Variants in TENM2 observed in about 807,000 individuals in gnomAD.
TENM2 encodes the protein teneurin-2.
A neutral mutation model predicts 245.2 loss-of-function variants in TENM2; 52 were observed. The observed-to-expected ratio is 0.21, with a 90% confidence interval of 0.17 to 0.27. The LOEUF is 0.27. TENM2 is among the 10% of genes least tolerant of loss of function. TENM2 has a pLI of 1.00. For synonymous variants in TENM2, 1,363 were observed against 1,438.9 expected, an observed-to-expected ratio of 0.95 and a Z score of 1.19; for missense variants, 3,046 against 3,666.8, an observed-to-expected ratio of 0.83 and a Z score of 4.37.
intron 12 of TENM2, among the ~76,000 whole-genome samples, chr5:168,127,254 G>A (rs749570017): frequency 7.9e-5 from 12 of 152,190 alleles, no homozygotes; most frequent in South Asian, 2.1e-4. Flanking sequence ...GTCGGTGTCT[G>A]GGGGTTGCAA....
At chr5:167,171,802 T>G in the TENM2 span, among the ~76,000 whole-genome samples, 1 of 152,162 alleles carries the variant, frequency 6.6e-6, no homozygotes, top group African/African-American at 2.4e-5. Flanking sequence ...TATCTTCCAT[T>G]GGCTGAATCA....
At chr5:167,578,100 G>C (rs1774836253) in intron 2 of TENM2, among the ~76,000 whole-genome samples, 1 of 152,342 alleles carries the variant, frequency 6.6e-6, no homozygotes, top group Non-Finnish European at 1.5e-5. Flanking sequence ...ATAGCCACTG[G>C]AGAGGGGTGA....
At chr5:167,834,618 C>T (rs1386937884) in intron 2 of TENM2, among the ~76,000 whole-genome samples, 3 of 150,694 alleles carry the variant, frequency 2.0e-5, no homozygotes, top group Admixed American at 6.6e-5. Context: ...TGGGCCATCT[C>T]ACAGTTGTGT....
At chr5:167,601,164 A>T (rs943422392) in intron 2 of TENM2, among the ~76,000 whole-genome samples, 5 of 152,236 alleles carry the variant, frequency 3.3e-5, no homozygotes, top group African/African-American at 1.2e-4. Context: ...TTTGCATGCT[A>T]CTGGTACTTG....
intron 1 of TENM2, among the ~76,000 whole-genome samples, chr5:167,366,325 ATCAAC>A (rs1313379148): frequency 6.6e-6 from 1 of 152,154 alleles, no homozygotes; most frequent in African/African-American, 2.4e-5. Context: ...AATTTTCTAA[ATCAAC>A]TCATGACAAA....
At chr5:167,849,757 T>G (rs1770397616) in intron 2 of TENM2, among the ~76,000 whole-genome samples, 1 of 152,188 alleles carries the variant, frequency 6.6e-6, no homozygotes, top group Non-Finnish European at 1.5e-5. Context: ...ACCTACATTT[T>G]TACCTACATT....
At chr5:168,249,963 A>G (rs1306731894) in intron 27 of TENM2, among the ~76,000 whole-genome samples, 1 of 152,208 alleles carries the variant, frequency 6.6e-6, no homozygotes, top group African/African-American at 2.4e-5. Context: ...TAGTATTTAA[A>G]TTGTACTAAA....
rs191458138 is a variant in TENM2, at chr5:167,995,917, G to A, written c.1186+2735G>A. ...GCAGAAAGACAACATGAAAACCGAG[G>A]CCCTCCTGTTAAGGAGACCGGCGCT... On this transcript the variant is annotated intron_variant, in intron 5 of 28. Transcript: ENST00000518659. Among the ~76,000 whole-genome samples the A allele has an allele frequency of 9.2e-5, 14 of 152,152 alleles. No individual in the cohort carries two copies. The East Asian group carries it at 2.5e-3, about 27-fold the overall frequency.
At chr5:168,119,585 T>A (rs892539321) in intron 10 of TENM2, among the ~76,000 whole-genome samples, 1 of 152,180 alleles carries the variant, frequency 6.6e-6, no homozygotes, top group Non-Finnish European at 1.5e-5. Flanking sequence ...ATATAAAGAA[T>A]TGGCCACAGC....
intron 2 of TENM2, among the ~76,000 whole-genome samples, chr5:167,419,572 C>CT (rs1219174449): frequency 6.6e-6 from 1 of 152,186 alleles, no homozygotes; most frequent in African/African-American, 2.4e-5. Context: ...AAAAGCCCTT[C>CT]TTGGTCAGAA....
the TENM2 span, among the ~76,000 whole-genome samples, chr5:167,187,179 G>A: frequency 6.6e-6 from 1 of 152,154 alleles, no homozygotes; most frequent in African/African-American, 2.4e-5. Flanking sequence ...ACATCAAAAT[G>A]TGATTTCAGC....
At chr5:168,096,337 T>A (rs575648435) in intron 8 of TENM2, among the ~76,000 whole-genome samples, 11 of 152,134 alleles carry the variant, frequency 7.2e-5, no homozygotes, top group Non-Finnish European at 1.2e-4. Context: ...AAAAAATAAA[T>A]GAATAAATGA....
chr5:167,460,332 T>C (rs1388464487), intron 2 of TENM2, among the ~76,000 whole-genome samples: 1 of 152,206 alleles, frequency 6.6e-6, no homozygotes, highest in African/African-American at 2.4e-5. Context: ...TTTAAAACCA[T>C]TTTCATACCC....
At chr5:167,255,849 C>T in the TENM2 span, among the ~76,000 whole-genome samples, 7 of 152,078 alleles carry the variant, frequency 4.6e-5, no homozygotes, top group African/African-American at 1.7e-4. Context: ...ATTTCTACTT[C>T]CTGCTCTGTC....
intron 2 of TENM2, among the ~76,000 whole-genome samples, chr5:167,543,064 G>A (rs1341131249): frequency 6.6e-6 from 1 of 152,070 alleles, no homozygotes; most frequent in African/African-American, 2.4e-5. Context: ...TGCCATCCCA[G>A]GACTACTGAT....
At chr5:167,839,819 C>G (rs978812383) in intron 2 of TENM2, among the ~76,000 whole-genome samples, 15 of 152,082 alleles carry the variant, frequency 9.9e-5, no homozygotes, top group Non-Finnish European at 1.6e-4. Flanking sequence ...AATTCACAAG[C>G]TTTCCTCTCT....
chr5:168,208,449 C>T (rs975923893), intron 19 of TENM2, among the ~76,000 whole-genome samples: 30 of 152,100 alleles, frequency 2.0e-4, no homozygotes, highest in African/African-American at 5.1e-4. Context: ...ATGTTAGTAC[C>T]GGGCGGGGGG....
chr5:167,225,785 A>G, the TENM2 span, among the ~76,000 whole-genome samples: 1 of 151,982 alleles, frequency 6.6e-6, no homozygotes, highest in Admixed American at 6.6e-5. Flanking sequence ...TAGTGAATGT[A>G]TCCAGTCCTT....
the TENM2 span, among the ~76,000 whole-genome samples, chr5:167,123,256 G>T: frequency 5.3e-5 from 8 of 152,208 alleles, no homozygotes; most frequent in African/African-American, 1.9e-4. Flanking sequence ...AGCGGCAGAG[G>T]TTGCGGTGAG....
Sources: allele counts gnomAD v4.1 joint callset (sites outside exome capture counted in the v4.1 genomes callset), GRCh38; gene constraint gnomAD v4.1.1; transcripts MANE v1.5; gene names NCBI Gene and HGNC (gene_info 2026-07-23, HGNC 2026-07-21).